The following EIF3I variants were observed in gnomAD, a reference collection of about 807,000 sequenced individuals.
EIF3I encodes eukaryotic translation initiation factor 3 subunit I.
A neutral mutation model predicts 43.3 loss-of-function variants in EIF3I; 20 were observed. That is an observed-to-expected ratio of 0.46 (90% CI 0.32 to 0.67). The LOEUF is 0.67. EIF3I is among the 30% of genes least tolerant of loss of function. The pLI is 0.03. For synonymous variants in EIF3I, 167 were observed against 151.7 expected (o/e 1.10, Z -0.74); for missense variants, 279 against 421.4 (o/e 0.66, Z 2.96).
chr1:32,235,817 G>T (rs1639292013), downstream of EIF3I, among the ~76,000 whole-genome samples: 1 of 152,214 alleles, frequency 6.6e-6, no homozygotes, highest in African/African-American at 2.4e-5. Context: ...TCCCTGGGGA[G>T]CCCCGGTCTG....
exon 5 of EIF3I, chr1:32,226,301 G>A (rs372175034): frequency 1.2e-4 from 200 of 1,613,990 alleles, no homozygotes; most frequent in Non-Finnish European, 1.6e-4. Context: ...TTTTTGACCT[G>A]CGGGATCCGA....
At chr1:32,233,095 G>C (rs1484882982), downstream of EIF3I, among the ~76,000 whole-genome samples, 1 of 152,228 alleles carries the variant, frequency 6.6e-6, no homozygotes, top group Admixed American at 6.5e-5. Context: ...CCAGGTGCAA[G>C]CAATTCTCAT....
chr1:32,226,598 T>C, intron 6 of EIF3I, 68 bp downstream of exon 6: 1 of 1,380,784 alleles, frequency 7.2e-7, no homozygotes, highest in South Asian at 1.9e-5. Context: ...ATAGAGTCTC[T>C]CTCTGTTGCC....
chr1:32,226,643 T>C, intron 6 of EIF3I, 113 bp downstream of exon 6: 1 of 1,161,198 alleles, frequency 8.6e-7, no homozygotes, highest in Non-Finnish European at 1.1e-6. Flanking sequence ...CTCGGCTCAC[T>C]GCGACCTCCA....
exon 12 of EIF3I, chr1:32,231,216 G>A: frequency 6.2e-7 from 1 of 1,612,096 alleles, no homozygotes; most frequent in Non-Finnish European, 8.5e-7. Context: ...TCTCCTGCCG[G>A]GCGTGGTGGC....
chr1:32,227,428 T>C (rs1445557597), intron 6 of EIF3I, among the ~76,000 whole-genome samples: 44 of 151,950 alleles, frequency 2.9e-4, no homozygotes, highest in Admixed American at 2.9e-3. Context: ...GTTTCAAGGA[T>C]CAAATGATAT....
downstream of EIF3I, chr1:32,234,477 C>T (rs1398693559): frequency 6.5e-6 from 1 of 152,692 alleles, no homozygotes; most frequent in Non-Finnish European, 1.5e-5. Context: ...CCAACAGTAG[C>T]CCTTCCCCAA....
rs201776715 is a variant in EIF3I at position 32,226,395 on chromosome 1, C to T, written c.401-8C>T. On this transcript the variant is annotated splice_region_variant and splice_polypyrimidine_tract_variant and intron_variant, in intron 5 of 11. Coordinates refer to ENST00000676679, the Ensembl canonical transcript of EIF3I. ...AGCCCAGGGCCTAACATCTACTGCCCCACACAGACAACAATGAGCCCTACA... is the reference window on the plus strand; with the variant it reads ...AGCCCAGGGCCTAACATCTACTGCCTCACACAGACAACAATGAGCCCTACA... The T allele has an allele frequency of 5.0e-6, 8 of 1,608,544 alleles. No individual in the cohort carries two copies. The highest frequency in any genetic ancestry group is 1.7e-4 in the Middle Eastern group (1 of 6,044).
intron 6 of EIF3I, among the ~76,000 whole-genome samples, chr1:32,226,820 G>A (rs547492997): frequency 1.1e-4 from 14 of 131,106 alleles, no homozygotes; most frequent in South Asian, 2.5e-4. Flanking sequence ...TCCACCGCTC[G>A]TGGCTTTTTT....
chr1:32,222,745 T>C (rs900858759), intron 2 of EIF3I, 115 bp downstream of exon 2: 3 of 1,048,282 alleles, frequency 2.9e-6, no homozygotes, highest in Non-Finnish European at 4.4e-6. Flanking sequence ...TTGTGAGAAG[T>C]AGGGAGAGGC....
At chr1:32,228,547 G>T in exon 7 of EIF3I, 1 of 1,614,146 alleles carries the variant, frequency 6.2e-7, no homozygotes, top group South Asian at 1.1e-5. Flanking sequence ...GCAGATCAAC[G>T]ACATCCAGTT....
chr1:32,227,385 C>A (rs1277784325), intron 6 of EIF3I, among the ~76,000 whole-genome samples: 1 of 150,282 alleles, frequency 6.7e-6, no homozygotes, highest in African/African-American at 2.4e-5. Flanking sequence ...GGGCAATTTA[C>A]ATGACTTCTC....
chr1:32,224,593 A>G (rs1413816398), intron 4 of EIF3I, 118 bp downstream of exon 4: 2 of 695,278 alleles, frequency 2.9e-6, no homozygotes, highest in East Asian at 5.2e-5. Flanking sequence ...AGTCTAGGGA[A>G]TAAGAGACAA....
At chr1:32,235,173 G>A (rs1639283676), downstream of EIF3I, 1 of 152,524 alleles carries the variant, frequency 6.6e-6, no homozygotes. Flanking sequence ...TACAGCCAGG[G>A]AGCAAGTGCT....
At chr1:32,235,451 C>T (rs1557558871), downstream of EIF3I, among the ~76,000 whole-genome samples, 1 of 152,140 alleles carries the variant, frequency 6.6e-6, no homozygotes, top group Non-Finnish European at 1.5e-5. Context: ...CTGCCTCAGC[C>T]TCCAGAGTAG....
At chr1:32,228,181 C>T (rs575839611) in intron 6 of EIF3I, among the ~76,000 whole-genome samples, 16 of 152,272 alleles carry the variant, frequency 1.1e-4, no homozygotes, top group African/African-American at 3.4e-4. Flanking sequence ...TTTAAACGTC[C>T]TTCAGTGTGA....
chr1:32,229,561 T>A (rs1413871131), intron 9 of EIF3I, among the ~76,000 whole-genome samples: 5 of 148,580 alleles, frequency 3.4e-5, no homozygotes, highest in African/African-American at 7.5e-5. Flanking sequence ...TTTTTTTTTT[T>A]TTTTTTTGAC....
At chr1:32,233,777 T>C (rs549841454), downstream of EIF3I, among the ~76,000 whole-genome samples, 1 of 152,316 alleles carries the variant, frequency 6.6e-6, no homozygotes, top group South Asian at 2.1e-4. Flanking sequence ...GCCTTATAAA[T>C]TATTTTTGCA....
At chr1:32,223,262 G>C (rs1438274674) in intron 2 of EIF3I, among the ~76,000 whole-genome samples, 1 of 152,152 alleles carries the variant, frequency 6.6e-6, no homozygotes, top group Non-Finnish European at 1.5e-5. Context: ...TCATGATACT[G>C]CCTTTTGAGG....
Sources: allele counts gnomAD v4.1 joint callset (sites outside exome capture counted in the v4.1 genomes callset), GRCh38; gene constraint gnomAD v4.1.1; transcripts MANE v1.5; gene names NCBI Gene and HGNC (gene_info 2026-07-23, HGNC 2026-07-21).